The following DGKA variants were observed in gnomAD, a reference collection of about 807,000 sequenced individuals.
The protein encoded by DGKA is 80 kDa diacylglycerol kinase.
DGKA carries 35 observed loss-of-function variants against 105.0 expected under a neutral mutation model. That is an observed-to-expected ratio of 0.33 (90% confidence interval 0.25 to 0.44). The LOEUF (loss-of-function observed/expected upper bound fraction) is 0.44, where lower values mean the gene tolerates loss of function less well. DGKA is among the 20% of genes least tolerant of loss of function. DGKA has a pLI of 1.00. For synonymous variants in DGKA, 296 were observed against 332.0 expected (o/e 0.89, Z 1.18); for missense variants, 665 against 915.0 (o/e 0.73, Z 3.53).
Position 55,942,915 on chromosome 12 carries a change from G to A in DGKA, c.1426+652G>A, listed in dbSNP as rs180925207. Among the ~76,000 whole-genome samples the A allele has an allele frequency of 5.9e-5, 9 of 152,264 alleles. No homozygotes were observed. The East Asian group carries it at 1.7e-3, about 29-fold the overall frequency. The stretch of plus-strand genomic sequence containing the variant: ...CTAAGGGCAGCGGAAGGCATTCTAG[G>A]TGGAGGAAGTAGTGTAAGGCCAGAG... On this transcript the variant is annotated intron_variant, in intron 17 of 23. Coordinates refer to ENST00000331886, the MANE Select transcript of DGKA (RefSeq NM_001345.5).
chr12:55,946,636 C>T (rs1034776531), intron 17 of DGKA, among the ~76,000 whole-genome samples: 11 of 152,144 alleles, frequency 7.2e-5, no homozygotes, highest in African/African-American at 2.7e-4. Flanking sequence ...GGATTACAGG[C>T]GTGAGCCACC....
intron 1 of DGKA, 46 bp from the exon 2 acceptor site, chr12:55,936,377 C>T (rs1227788102): frequency 1.4e-6 from 2 of 1,458,966 alleles, no homozygotes; most frequent in Admixed American, 2.7e-5. Context: ...AAAAGACACC[C>T]AGACAGCTGG....
At chr12:55,936,193 T>G in intron 1 of DGKA, 1 of 542,244 alleles carries the variant, frequency 1.8e-6, no homozygotes, top group Non-Finnish European at 2.7e-6. Context: ...GATCCAGAAA[T>G]GGAGAGACAG....
Position 55,940,060 on chromosome 12 carries a change from C to A in DGKA, c.710-22C>A. Reference sequence around the variant, plus strand: ...GGGGGAGAGGCTCAGCTAAGCCTCCCAACTTCTTCCTTCTCCCTCAGTCTG... The same window carrying A: ...GGGGGAGAGGCTCAGCTAAGCCTCCAAACTTCTTCCTTCTCCCTCAGTCTG... On this transcript the variant is annotated intron_variant, in intron 9 of 23. Transcript: ENST00000331886. This position sits in a 1 kb window ranked among gnomAD's most constrained non-coding sequence, Gnocchi z 4.3. 1 of 1,611,028 alleles carries A rather than the reference C, an allele frequency of 6.2e-7. No individual in the cohort carries two copies. The highest frequency in any genetic ancestry group is 1.7e-4 in the Middle Eastern group (1 of 6,056).
rs1883883843 is a variant in DGKA at position 55,932,719 on chromosome 12, AC to A, written c.-82+1376del. ...CACACACACACACACGCACACACAC[AC>A]ACACACACACACACACACACAACCC... On this transcript the variant is annotated intron_variant, in intron 1 of 23. Transcript: ENST00000331886. This position sits in a 1 kb window ranked among gnomAD's most constrained non-coding sequence, Gnocchi z 4.3. The A allele has an allele frequency of 1.6e-6, 1 of 607,758 alleles. No homozygotes were observed. Among genetic ancestry groups the A allele is most frequent in the Non-Finnish European group, 3.0e-6 (1 of 333,288 alleles). The allele number at this position is 607,758 out of a possible 1,614,324, so 37.6% of individuals were successfully genotyped here. A position where few individuals can be genotyped will look rare whatever the true frequency, so the allele number is the denominator to read the frequency against.
rs750442762 is a variant in DGKA, at chr12:55,936,454, A to G, written c.-50A>G. ...CCTCTGAAGAGGTCCAAGCAACGGA[A>G]GTACTACTACGAAGCTGCCTTTCTG... On this transcript the variant is annotated 5_prime_UTR_variant, in exon 2 of 24. Coordinates refer to ENST00000331886, the MANE Select transcript of DGKA (RefSeq NM_001345.5). 1.2e-6 allele frequency: 2 copies of G among 1,603,774 alleles called. No individual in the cohort carries two copies. Among genetic ancestry groups the G allele is most frequent in the South Asian group, 1.1e-5 (1 of 90,018 alleles).
chr12:55,952,027 C>T lies in DGKA; in HGVS notation c.1588-8C>T, dbSNP rs767150933. 3 of 1,614,012 alleles carry T rather than the reference C, an allele frequency of 1.9e-6. No homozygotes were observed. The South Asian group carries it at 3.3e-5, about 18-fold the overall frequency. On this transcript the variant is annotated splice_region_variant and splice_polypyrimidine_tract_variant and intron_variant, in intron 18 of 23. Transcript: ENST00000331886. This position sits in a 1 kb window ranked among gnomAD's most constrained non-coding sequence, Gnocchi z 5.1. Reference sequence around the variant, plus strand: ...TCTGTACTGACCTTCATGTCCCGAACTCTCCAGGATGCCTCTATTGCTCAT... The same window carrying T: ...TCTGTACTGACCTTCATGTCCCGAATTCTCCAGGATGCCTCTATTGCTCAT...
rs1294054853 is a variant in DGKA at position 55,940,608 on chromosome 12, C to T, written c.919-16C>T. Reference sequence around the variant, plus strand: ...GGTTACCTTCGTGATCTCTCTGTGCCCACCTCGTCTTTCAGATCCACGATG... The same window carrying T: ...GGTTACCTTCGTGATCTCTCTGTGCTCACCTCGTCTTTCAGATCCACGATG... On this transcript the variant is annotated splice_polypyrimidine_tract_variant and intron_variant, in intron 11 of 23. Transcript: ENST00000331886. This position sits in a 1 kb window ranked among gnomAD's most constrained non-coding sequence, Gnocchi z 4.3. 1.3e-6 allele frequency: 2 copies of T among 1,568,508 alleles called. No homozygotes were observed. The highest frequency in any genetic ancestry group is 1.7e-6 in the Non-Finnish European group (2 of 1,159,914).
In DGKA at chr12:55,940,356, C is replaced by T; in HGVS notation, c.841C>T (p.Arg281Cys). 1 of 1,614,246 alleles carries T rather than the reference C, an allele frequency of 6.2e-7. No individual in the cohort carries two copies. The highest frequency in any genetic ancestry group is 2.2e-5 in the East Asian group (1 of 44,888). ...GGTGCGAGGAGGCTGTGAGTCCGGG[C>T]GCTGCGACCGCTGTCAGAAAAAGAT... Reference protein sequence around the residue: ...VWVRGGCESGRCDRCQKKIRI... With the variant: ...VWVRGGCESGCCDRCQKKIRI... The change falls in exon 11 of 24, where the codon CGC becomes TGC. Residue 281 changes from arginine to cysteine, a missense_variant. This residue lies in a region of DGKA where 504 missense variants were observed against 681.2 expected (regional missense o/e 0.74). Coordinates refer to ENST00000331886, the MANE Select transcript of DGKA (RefSeq NM_001345.5). This position sits in a 1 kb window ranked among gnomAD's most constrained non-coding sequence, Gnocchi z 4.3.
chr12:55,947,942 A>G (rs2136382399), intron 17 of DGKA, among the ~76,000 whole-genome samples: 1 of 152,082 alleles, frequency 6.6e-6, no homozygotes, highest in Middle Eastern at 3.4e-3. Context: ...GGCACGCGCC[A>G]CCACGCCTGG....
chr12:55,941,431 A>G, intron 14 of DGKA, 79 bp from the exon 15 acceptor site: 1 of 1,587,006 alleles, frequency 6.3e-7, no homozygotes, highest in Non-Finnish European at 8.6e-7. Flanking sequence ...ACCTTGAGGA[A>G]CACACAAAGA....
intron 17 of DGKA, 141 bp downstream of exon 17, chr12:55,942,404 ATGTCC>A: frequency 1.3e-6 from 1 of 760,054 alleles, no homozygotes; most frequent in African/African-American, 1.8e-5. Context: ...CAAAAGTGGA[ATGTCC>A]AAAAAGAAGA....
rs539550302 is a variant in DGKA at position 55,949,201 on chromosome 12, CA to C, written c.1427-2421del. Reference sequence around the variant, plus strand: ...ACACACACACATATGCATAAACAGACATTTTTTTTTTTTTGAGACGGAGTCT... The same window carrying C: ...ACACACACACATATGCATAAACAGACTTTTTTTTTTTTTGAGACGGAGTCT... On this transcript the variant is annotated intron_variant, in intron 17 of 23. Coordinates refer to ENST00000331886, the MANE Select transcript of DGKA (RefSeq NM_001345.5). Among the ~76,000 whole-genome samples, 55 of 151,692 alleles carry C rather than the reference CA, an allele frequency of 3.6e-4. No individual in the cohort carries two copies. The East Asian group carries it at 9.3e-3, about 26-fold the overall frequency.
chr12:55,951,536 G>C, intron 17 of DGKA, 87 bp from the exon 18 acceptor site: 1 of 1,431,262 alleles, frequency 7.0e-7, no homozygotes, highest in East Asian at 2.3e-5. Context: ...AGGGCAGAAG[G>C]CCCCTGGGAA....
chr12:55,943,686 G>A (rs1046775123), intron 17 of DGKA, among the ~76,000 whole-genome samples: 3 of 151,620 alleles, frequency 2.0e-5, no homozygotes, highest in Non-Finnish European at 4.4e-5. Context: ...ACAAGCAGCA[G>A]TGAGGGGGAA....
At chr12:55,941,128 G>T in intron 13 of DGKA, 124 bp from the exon 14 acceptor site, 2 of 1,353,470 alleles carry the variant, frequency 1.5e-6, no homozygotes, top group Admixed American at 4.0e-5. Flanking sequence ...GGAAGGGGAG[G>T]GAAACAGGAG....
At position 55,932,439 on chromosome 12, in the gene DGKA, G is replaced by A. The variant is rs1203687357; in HGVS notation, c.-82+1095G>A. 7.4e-6 allele frequency: 5 copies of A among 671,332 alleles called. No homozygotes were observed. Among genetic ancestry groups the A allele is most frequent in the East Asian group, 2.7e-5 (1 of 36,848 alleles). 41.6% of individuals were successfully genotyped at this position (671,332 alleles called of 1,614,324 possible). ...CTTCGGAACCTCCACAGTGCCGCAC[G>A]GGTGGAGAAGGGTTCTTGTTTGGCC... On this transcript the variant is annotated intron_variant, in intron 1 of 23. Transcript: ENST00000331886. The surrounding 1 kb of genome is among the most constrained non-coding windows in gnomAD (Gnocchi z 4.3).
chr12:55,939,390 C>T, intron 8 of DGKA, 25 bp from the exon 9 acceptor site: 2 of 1,613,944 alleles, frequency 1.2e-6, no homozygotes, highest in Non-Finnish European at 1.7e-6. Flanking sequence ...TTTGACACTC[C>T]CTAGCATCTA....
upstream of DGKA, chr12:55,927,601 C>G (rs1175908422): frequency 7.8e-7 from 1 of 1,276,020 alleles, no homozygotes; most frequent in Non-Finnish European, 1.1e-6. Context: ...GGTTGGAGAC[C>G]CTATCTAACC....
Sources: allele counts gnomAD v4.1 joint callset (sites outside exome capture counted in the v4.1 genomes callset), GRCh38; gene constraint gnomAD v4.1.1; regional missense constraint gnomAD v4.1.1; non-coding constraint Gnocchi (gnomAD v3.1); transcripts MANE v1.5; gene names NCBI Gene and HGNC (gene_info 2026-07-23, HGNC 2026-07-21).